The following TYW1 variants were observed in gnomAD, a reference collection of about 807,000 sequenced individuals.
The protein encoded by TYW1 is S-adenosyl-L-methionine-dependent tRNA 4-demethylwyosine synthase TYW1.
Under a neutral mutation model 96.2 loss-of-function variants are expected in TYW1, and 46 were observed. That is an observed-to-expected ratio of 0.48 (90% CI 0.38 to 0.61). TYW1 has a LOEUF of 0.61. Among genes scored for constraint, TYW1 ranks in the 20% least tolerant of loss-of-function variants. The pLI, the probability that TYW1 is intolerant of heterozygous loss-of-function variation, is 0.00. For missense variants in TYW1, 684 were observed against 909.6 expected (o/e 0.75, Z 3.19); for synonymous variants, 274 against 323.0 (o/e 0.85, Z 1.63).
At chr7:67,041,715 G>A (rs995524758) in intron 7 of TYW1, among the ~76,000 whole-genome samples, 4 of 152,170 alleles carry the variant, frequency 2.6e-5, no homozygotes, top group African/African-American at 9.6e-5. Flanking sequence ...GAAGTAGTAC[G>A]TGCCAGTGCT....
At chr7:67,197,505 T>C (rs960337629) in intron 15 of TYW1, among the ~76,000 whole-genome samples, 13 of 152,200 alleles carry the variant, frequency 8.5e-5, no homozygotes, top group African/African-American at 1.2e-4. Flanking sequence ...TTTGTGTTTT[T>C]AGTAGAGACG....
intron 7 of TYW1, among the ~76,000 whole-genome samples, chr7:67,029,954 A>G (rs1008179500): frequency 1.3e-5 from 2 of 152,126 alleles, no homozygotes; most frequent in Non-Finnish European, 2.9e-5. Flanking sequence ...CACAGATCAG[A>G]AACGGTCAAA....
intron 7 of TYW1, among the ~76,000 whole-genome samples, chr7:67,046,723 C>T (rs184304720): frequency 4.2e-4 from 64 of 152,246 alleles, no homozygotes; most frequent in East Asian, 2.1e-3. Flanking sequence ...TTTTCAGAAA[C>T]GAAATTACTA....
chr7:67,214,656 T>C (rs1801150381), intron 15 of TYW1, among the ~76,000 whole-genome samples: 1 of 152,298 alleles, frequency 6.6e-6, no homozygotes, highest in South Asian at 2.1e-4. Flanking sequence ...TATTATTTAT[T>C]AGGTTGAGAA....
intron 10 of TYW1, among the ~76,000 whole-genome samples, chr7:67,080,136 C>G (rs1457978529): frequency 9.2e-5 from 14 of 152,174 alleles, no homozygotes; most frequent in Non-Finnish European, 1.9e-4. Flanking sequence ...GATTTTCTGT[C>G]TAGGTGATCT....
intron 10 of TYW1, among the ~76,000 whole-genome samples, chr7:67,072,861 G>A (rs1451633682): frequency 6.6e-6 from 1 of 150,850 alleles, no homozygotes; most frequent in African/African-American, 2.4e-5. Context: ...TTGAACCCAT[G>A]GGCTCATGTG....
chr7:67,204,557 C>CTTCTTCT lies in TYW1; in HGVS notation c.1977+9225_1977+9226insCTTTCTT, dbSNP rs1554392810. ...TCTTCCTCTTCCTCTTCTTCTTCTT[C>CTTCTTCT]TTCTTTCTTCTTCCTTCTTCCTTCT... On this transcript the variant is annotated intron_variant, in intron 15 of 15. Coordinates refer to ENST00000359626, the MANE Select transcript of TYW1 (RefSeq NM_018264.4). Among the ~76,000 whole-genome samples, 9 of 137,786 alleles carry CTTCTTCT rather than the reference C, an allele frequency of 6.5e-5. No homozygotes were observed. In the East Asian group the frequency reaches 1.6e-3, roughly 25 times the overall value. 90.4% of individuals were successfully genotyped at this position (137,786 alleles called of 152,430 possible).
At chr7:67,180,406 T>TATATATATATATATAGA (rs1799800155) in intron 13 of TYW1, among the ~76,000 whole-genome samples, 1 of 62,738 alleles carries the variant, frequency 1.6e-5, no homozygotes, top group Non-Finnish European at 2.8e-5. Context: ...ATATATATAT[T>TATATATATATATATAGA]TATATATATA....
rs554052739 is a variant in TYW1, at chr7:67,144,417, C to T, written c.1698+26799C>T. ...AACAGACATCTCTTCCAAATACAGG[C>T]GTACCCTACAGGTCACCTCTTTGTG... is the stretch of plus-strand genomic sequence containing the variant. On this transcript the variant is annotated intron_variant, in intron 13 of 15. Transcript: ENST00000359626. Among the ~76,000 whole-genome samples, 10 of 152,324 alleles carry T rather than the reference C, an allele frequency of 6.6e-5. No individual in the cohort carries two copies. The South Asian group carries it at 1.0e-3, about 16-fold the overall frequency.
intron 13 of TYW1, among the ~76,000 whole-genome samples, chr7:67,151,483 T>A (rs1442667416): frequency 6.6e-6 from 1 of 152,142 alleles, no homozygotes; most frequent in Non-Finnish European, 1.5e-5. Context: ...CTCTTACCAA[T>A]ACCTAGGTCT....
At chr7:67,099,354 G>C (rs1797017926) in intron 12 of TYW1, among the ~76,000 whole-genome samples, 1 of 152,058 alleles carries the variant, frequency 6.6e-6, no homozygotes, top group Admixed American at 6.6e-5. Context: ...TTATGTCTGG[G>C]ATTGGTACTT....
chr7:67,071,160 TTA>T (rs1796015476), intron 10 of TYW1, among the ~76,000 whole-genome samples: 1 of 152,028 alleles, frequency 6.6e-6, no homozygotes, highest in Non-Finnish European at 1.5e-5. Flanking sequence ...CATATTTTGA[TTA>T]TTAGAATGTG....
At chr7:67,180,100 T>C (rs1799788880) in intron 13 of TYW1, among the ~76,000 whole-genome samples, 1 of 132,014 alleles carries the variant, frequency 7.6e-6, no homozygotes, top group Admixed American at 7.6e-5. Flanking sequence ...GTGCTGAGAT[T>C]ACAGGCGTGA....
chr7:67,050,052 C>T lies in TYW1; in HGVS notation c.1088C>T (p.Ala363Val). Residue 363 changes from alanine to valine, a missense_variant, in exon 8 of 16, where the codon GCC becomes GTC. Transcript: ENST00000359626. ...ATGATAACTCCTGCTCTCCGAGAAG[C>T]CCTTACTAAACAAGGTGAAAATCTT... The part of the protein sequence containing the change: ...RAMITPALRE[A>V]LTKQGYQLIG... 6.2e-7 allele frequency: 1 copy of T among 1,613,362 alleles called. No individual in the cohort carries two copies. Among genetic ancestry groups the T allele is most frequent in the Middle Eastern group, 1.7e-4 (1 of 6,050 alleles).
intron 7 of TYW1, among the ~76,000 whole-genome samples, chr7:67,032,390 G>T (rs1349196820): frequency 6.6e-6 from 1 of 152,042 alleles, no homozygotes; most frequent in Admixed American, 6.6e-5. Context: ...AGGCCGAGAC[G>T]GATGGATCAC....
At chr7:67,032,885 CTTTTTTTTT>C (rs778743156) in intron 7 of TYW1, among the ~76,000 whole-genome samples, 857 of 76,234 alleles carry the variant, frequency 0.011, 10 homozygotes, top group African/African-American at 0.047. Flanking sequence ...AGAAGTATAC[CTTTTTTTTT>C]TTTTTTTTTT....
intron 12 of TYW1, among the ~76,000 whole-genome samples, 177 bp from the exon 13 acceptor site, chr7:67,117,306 C>A (rs892614556): frequency 6.6e-6 from 1 of 152,054 alleles, no homozygotes; most frequent in Non-Finnish European, 1.5e-5. Context: ...AACCAGAGGC[C>A]GTCCCATTTT....
At chr7:67,130,664 C>CAAAA (rs111869101) in intron 13 of TYW1, among the ~76,000 whole-genome samples, 1 of 137,858 alleles carries the variant, frequency 7.3e-6, no homozygotes. Context: ...ACTCTTAACT[C>CAAAA]AAAAAAAAAA....
chr7:67,135,149 G>A (rs1376167514), intron 13 of TYW1, among the ~76,000 whole-genome samples: 1 of 151,582 alleles, frequency 6.6e-6, no homozygotes, highest in Non-Finnish European at 1.5e-5. Flanking sequence ...ATGAATACAT[G>A]CATATGTATA....
Sources: allele counts gnomAD v4.1 joint callset (sites outside exome capture counted in the v4.1 genomes callset), GRCh38; gene constraint gnomAD v4.1.1; transcripts MANE v1.5; gene names NCBI Gene and HGNC (gene_info 2026-07-23, HGNC 2026-07-21).